DLGAP1: variants seen among roughly 807,000 people sequenced by gnomAD.
The protein encoded by DLGAP1 is disks large-associated protein 1.
DLGAP1 carries 11 observed loss-of-function variants against 90.8 expected under a neutral mutation model. The ratio of observed to expected loss-of-function variants is 0.12; its 90% CI spans 0.08 to 0.20. The LOEUF (loss-of-function observed/expected upper bound fraction) is 0.20. Ranked by LOEUF, DLGAP1 falls within the 10% of genes least tolerant of loss-of-function variation. The pLI is 1.00. For synonymous variants in DLGAP1, 558 were observed against 540.7 expected, an observed-to-expected ratio of 1.03 and a Z score of -0.44; for missense variants, 1,050 against 1,333.8, an observed-to-expected ratio of 0.79 and a Z score of 3.31.
intron 5 of DLGAP1, among the ~76,000 whole-genome samples, chr18:3,772,689 C>T (rs1204340993): frequency 2.0e-5 from 3 of 151,612 alleles, no homozygotes; most frequent in Non-Finnish European, 4.4e-5. Context: ...AATTTAGGCT[C>T]TAAGGGTGTT....
intron 9 of DLGAP1, among the ~76,000 whole-genome samples, chr18:3,540,392 C>T (rs2052622749): frequency 6.8e-6 from 1 of 147,654 alleles, no homozygotes; most frequent in African/African-American, 2.5e-5. Flanking sequence ...GCTTGAAGAA[C>T]CCGGGAGGCA....
At chr18:4,364,570 A>C (rs1369893168) in intron 1 of DLGAP1, among the ~76,000 whole-genome samples, 1 of 152,056 alleles carries the variant, frequency 6.6e-6, no homozygotes, top group East Asian at 1.9e-4. Context: ...ATGCTGCCAT[A>C]TATTATTTAA....
At position 3,702,161 on chromosome 18, in the gene DLGAP1, C is replaced by T. The variant is rs537184319; in HGVS notation, c.1591+26974G>A. ...TTGCCTCCCGGGTTCAAGCGATTCT[C>T]CTGCCTCAGCCTCCCAAGTAGCTGG... On this transcript the variant is annotated intron_variant, in intron 7 of 12. Coordinates refer to ENST00000315677, the MANE Select transcript of DLGAP1 (RefSeq NM_004746.4). Among the ~76,000 whole-genome samples, 54 of 152,286 alleles carry T rather than the reference C, an allele frequency of 3.5e-4. 2 individuals carry two copies. Among genetic ancestry groups the T allele is most frequent in the Middle Eastern group, 6.8e-3 (2 of 294 alleles).
chr18:4,405,489 T>C (rs1209163930), intron 1 of DLGAP1, among the ~76,000 whole-genome samples: 1 of 152,122 alleles, frequency 6.6e-6, no homozygotes, highest in Non-Finnish European at 1.5e-5. Flanking sequence ...AACAACACAA[T>C]GAGCATTTTT....
chr18:4,235,349 C>T (rs1399172328), intron 1 of DLGAP1, among the ~76,000 whole-genome samples: 3 of 152,130 alleles, frequency 2.0e-5, no homozygotes, highest in African/African-American at 7.2e-5. Context: ...TTGCTGCACT[C>T]CCTCCCCTCA....
chr18:3,885,023 G>A (rs2071272794), intron 3 of DLGAP1, among the ~76,000 whole-genome samples: 1 of 152,158 alleles, frequency 6.6e-6, no homozygotes, highest in Non-Finnish European at 1.5e-5. Flanking sequence ...GTCAATTTGT[G>A]ATTATAAAAG....
chr18:3,810,311 C>T (rs773728298), intron 5 of DLGAP1, among the ~76,000 whole-genome samples: 3 of 152,100 alleles, frequency 2.0e-5, no homozygotes, highest in Non-Finnish European at 4.4e-5. Context: ...TGATGAAAAA[C>T]CACCCACATA....
intron 5 of DLGAP1, among the ~76,000 whole-genome samples, chr18:3,767,415 A>G (rs997433692): frequency 6.6e-6 from 1 of 152,118 alleles, no homozygotes; most frequent in Non-Finnish European, 1.5e-5. Context: ...TAAAGCTAGC[A>G]TTACCCTAAT....
chr18:4,039,440 CCTCTTTTTCT>C, intron 2 of DLGAP1, among the ~76,000 whole-genome samples: 1 of 152,240 alleles, frequency 6.6e-6, no homozygotes, highest in East Asian at 1.9e-4. Flanking sequence ...CTGAAGAAAA[CCTCTTTTTCT>C]CTTTCCTAAG....
At chr18:3,807,459 T>G (rs536518002) in intron 5 of DLGAP1, among the ~76,000 whole-genome samples, 1 of 152,194 alleles carries the variant, frequency 6.6e-6, no homozygotes, top group Non-Finnish European at 1.5e-5. Context: ...AGATGGAAAT[T>G]TGTCATTTGT....
At position 3,714,832 on chromosome 18, in the gene DLGAP1, C is replaced by T. The variant is rs1439507442; in HGVS notation, c.1591+14303G>A. Reference sequence around the variant, plus strand: ...GTATTTTTTAGTAGAGACGGGGTTTCGCCATGTTGGCCAGGCTGGTCTCGA... The same window carrying T: ...GTATTTTTTAGTAGAGACGGGGTTTTGCCATGTTGGCCAGGCTGGTCTCGA... On this transcript the variant is annotated intron_variant, in intron 7 of 12. Coordinates refer to ENST00000315677, the MANE Select transcript of DLGAP1 (RefSeq NM_004746.4). 5.9e-5 allele frequency among the ~76,000 whole-genome samples: 9 copies of T among 151,986 alleles called. No homozygotes were observed. In the South Asian group the frequency reaches 1.7e-3, roughly 28 times the overall value.
intron 8 of DLGAP1, among the ~76,000 whole-genome samples, chr18:3,568,728 C>A (rs1159763294): frequency 2.6e-5 from 4 of 151,798 alleles, no homozygotes; most frequent in Non-Finnish European, 5.9e-5. Context: ...ACTTTGTTAC[C>A]CAGGCTGGAG....
chr18:3,807,131 C>T (rs887824394), intron 5 of DLGAP1, among the ~76,000 whole-genome samples: 1 of 152,156 alleles, frequency 6.6e-6, no homozygotes, highest in Non-Finnish European at 1.5e-5. Flanking sequence ...GTTTCAGCTG[C>T]ATGTCTGATG....
intron 2 of DLGAP1, among the ~76,000 whole-genome samples, chr18:4,126,473 A>G (rs900734709): frequency 6.6e-6 from 1 of 152,264 alleles, no homozygotes; most frequent in African/African-American, 2.4e-5. Flanking sequence ...ATTTTTAAAC[A>G]TCTCTATACC....
chr18:3,956,770 C>T (rs192897342), intron 3 of DLGAP1, among the ~76,000 whole-genome samples: 707 of 152,300 alleles, frequency 4.6e-3, no homozygotes, highest in Middle Eastern at 0.01. Flanking sequence ...TCTACCTCAG[C>T]CTCCTGAATA....
At chr18:4,384,517 G>C (rs947069623) in intron 1 of DLGAP1, among the ~76,000 whole-genome samples, 2 of 151,848 alleles carry the variant, frequency 1.3e-5, no homozygotes, top group Admixed American at 6.6e-5. Flanking sequence ...TTTCATCTTT[G>C]GAAAACAGGT....
chr18:3,616,769 A>T lies in DLGAP1; in HGVS notation c.1592-34521T>A, dbSNP rs1404109912. Among the ~76,000 whole-genome samples, 4 of 152,072 alleles carry T rather than the reference A, an allele frequency of 2.6e-5. No homozygotes were observed. In the East Asian group the frequency reaches 7.8e-4, roughly 29 times the overall value. ...ACCCTGTCTCAAAAAAACAAAAAGAAACAAACAAACTGGAAAAAAAAAAGA... is the reference window on the plus strand; with the variant it reads ...ACCCTGTCTCAAAAAAACAAAAAGATACAAACAAACTGGAAAAAAAAAAGA... On this transcript the variant is annotated intron_variant, in intron 7 of 12. Transcript: ENST00000315677.
chr18:4,014,426 G>A (rs1258348245), intron 2 of DLGAP1, among the ~76,000 whole-genome samples: 1 of 152,158 alleles, frequency 6.6e-6, no homozygotes, highest in Non-Finnish European at 1.5e-5. Context: ...GTGAAGAGAT[G>A]TTGGTCAAGG....
At chr18:3,500,859 A>G (rs1426823113) in intron 12 of DLGAP1, among the ~76,000 whole-genome samples, 1 of 152,110 alleles carries the variant, frequency 6.6e-6, no homozygotes, top group Admixed American at 6.5e-5. Context: ...TGAATATTGG[A>G]TATTTTTTAG....
Sources: allele counts gnomAD v4.1 joint callset (sites outside exome capture counted in the v4.1 genomes callset), GRCh38; gene constraint gnomAD v4.1.1; transcripts MANE v1.5; gene names NCBI Gene and HGNC (gene_info 2026-07-23, HGNC 2026-07-21).